The following SLCO2B1 variants were observed in gnomAD, a reference collection of about 807,000 sequenced individuals.
The protein encoded by SLCO2B1 is OATP-RP2.
Under a neutral mutation model 67.3 loss-of-function variants are expected in SLCO2B1, and 41 were observed. That is an observed-to-expected ratio of 0.61 (90% CI 0.47 to 0.79). SLCO2B1 has a LOEUF of 0.79. Ranked by LOEUF, SLCO2B1 falls within the 30% of genes least tolerant of loss-of-function variation. The probability of loss-of-function intolerance (pLI) is 0.00; values close to 1 mark genes in which losing one functional copy is unlikely to be tolerated. For synonymous variants in SLCO2B1, 379 were observed against 381.4 expected (o/e 0.99, Z 0.07); for missense variants, 837 against 920.1 (o/e 0.91, Z 1.17).
intron 1 of SLCO2B1, among the ~76,000 whole-genome samples, chr11:75,157,471 C>T (rs114611829): frequency 1.2e-3 from 186 of 152,274 alleles, no homozygotes; most frequent in African/African-American, 4.2e-3. Context: ...TGTATCACTG[C>T]CTCCTAGCCC....
At chr11:75,169,610 T>A in intron 5 of SLCO2B1, 56 bp from the exon 6 acceptor site, 1 of 1,460,520 alleles carries the variant, frequency 6.8e-7, no homozygotes, top group South Asian at 1.2e-5. Flanking sequence ...GGGCAAGCAC[T>A]GGTCTGCAGA....
At chr11:75,168,041 G>A (rs1012927433) in intron 4 of SLCO2B1, among the ~76,000 whole-genome samples, 7 of 151,888 alleles carry the variant, frequency 4.6e-5, no homozygotes, top group African/African-American at 1.7e-4. Flanking sequence ...TTACAGGCAT[G>A]TGCCACCACT....
chr11:75,196,511 C>A lies in SLCO2B1; in HGVS notation c.1434-3C>A. The A allele has an allele frequency of 6.2e-7, 1 of 1,612,610 alleles. No homozygotes were observed. Among genetic ancestry groups the A allele is most frequent in the South Asian group, 1.1e-5 (1 of 90,852 alleles). ...CAACCCTACTGGTCTTCTCTCCCAC[C>A]AGTGCCCACCCTGGGCTGGAGCTGT... On this transcript the variant is annotated splice_region_variant and splice_polypyrimidine_tract_variant and intron_variant, in intron 9 of 13. Coordinates refer to ENST00000289575, the MANE Select transcript of SLCO2B1 (RefSeq NM_007256.5).
At chr11:75,200,659 C>A in intron 11 of SLCO2B1, 1 of 328,938 alleles carries the variant, frequency 3.0e-6, no homozygotes, top group Non-Finnish European at 5.5e-6. Context: ...GGTTCCCTGG[C>A]CCACAGCCCA....
intron 10 of SLCO2B1, among the ~76,000 whole-genome samples, chr11:75,198,445 C>T (rs1235494909): frequency 6.6e-6 from 1 of 152,236 alleles, no homozygotes; most frequent in African/African-American, 2.4e-5. Flanking sequence ...GCACATAGCA[C>T]AGTGCCTAGG....
chr11:75,186,270 A>G (rs970235302), intron 7 of SLCO2B1, among the ~76,000 whole-genome samples: 32 of 149,974 alleles, frequency 2.1e-4, no homozygotes, highest in Admixed American at 1.4e-3. Flanking sequence ...GTGCAGTGGT[A>G]CGATCTCAGC....
chr11:75,189,915 TC>T (rs1944993070), intron 8 of SLCO2B1, among the ~76,000 whole-genome samples: 1 of 150,922 alleles, frequency 6.6e-6, no homozygotes, highest in African/African-American at 2.4e-5. Flanking sequence ...TGAGCTGTGA[TC>T]TGGCCGCTGC....
chr11:75,194,615 T>C (rs1945075173), intron 9 of SLCO2B1, among the ~76,000 whole-genome samples: 1 of 151,648 alleles, frequency 6.6e-6, no homozygotes, highest in African/African-American at 2.4e-5. Context: ...CTCTGCTCTC[T>C]AGCCTGGGGC....
At chr11:75,164,598 G>A (rs1412195925) in intron 3 of SLCO2B1, among the ~76,000 whole-genome samples, 1 of 152,084 alleles carries the variant, frequency 6.6e-6, no homozygotes, top group Non-Finnish European at 1.5e-5. Context: ...GAGCAGATGA[G>A]CTGCTTTGGG....
intron 1 of SLCO2B1, among the ~76,000 whole-genome samples, chr11:75,159,107 A>G (rs1949781890): frequency 6.6e-6 from 1 of 152,252 alleles, no homozygotes; most frequent in South Asian, 2.1e-4. Context: ...AGCTGCAGGC[A>G]GGTGGCTGAC....
chr11:75,153,669 G>A (rs1949715924), intron 1 of SLCO2B1, among the ~76,000 whole-genome samples: 1 of 152,252 alleles, frequency 6.6e-6, no homozygotes, highest in South Asian at 2.1e-4. Flanking sequence ...ACACCTGCAT[G>A]TCTGTGGAGC....
intron 1 of SLCO2B1, chr11:75,152,395 A>C (rs1386586133): frequency 6.6e-6 from 1 of 152,342 alleles, no homozygotes; most frequent in Admixed American, 6.5e-5. Context: ...AGACAGACCC[A>C]GCTGAGGAGC....
rs1352780636 is a variant in SLCO2B1 at position 75,198,930 on chromosome 11, C to T, written c.1600-1294C>T. Among the ~76,000 whole-genome samples, 2 of 152,134 alleles carry T rather than the reference C, an allele frequency of 1.3e-5. 1 individual carries two copies. Among genetic ancestry groups the T allele is most frequent in the Non-Finnish European group, 2.9e-5 (2 of 68,028 alleles). Reference sequence around the variant, plus strand: ...AGTCATTCATAAGAAAAACTTCCTGCCATGGAATTAGATGAATGTGAAGGG... The same window carrying T: ...AGTCATTCATAAGAAAAACTTCCTGTCATGGAATTAGATGAATGTGAAGGG... On this transcript the variant is annotated intron_variant, in intron 10 of 13. Coordinates refer to ENST00000289575, the MANE Select transcript of SLCO2B1 (RefSeq NM_007256.5).
At chr11:75,191,309 A>G (rs1241566583) in intron 8 of SLCO2B1, among the ~76,000 whole-genome samples, 1 of 152,192 alleles carries the variant, frequency 6.6e-6, no homozygotes, top group Non-Finnish European at 1.5e-5. Context: ...GCCAGATTGA[A>G]ATTCATGGCT....
chr11:75,204,369 T>C (rs548725498), intron 13 of SLCO2B1, 31 bp from the exon 14 acceptor site: 16 of 1,564,102 alleles, frequency 1.0e-5, no homozygotes, highest in Non-Finnish European at 1.4e-5. Context: ...CTGGCAGCTC[T>C]TGAGTTCAAG....
chr11:75,155,986 G>T (rs536759059), intron 1 of SLCO2B1, among the ~76,000 whole-genome samples: 1 of 152,144 alleles, frequency 6.6e-6, no homozygotes, highest in South Asian at 2.1e-4. Context: ...CTGTACTCAC[G>T]GTTTGCAGAC....
intron 1 of SLCO2B1, chr11:75,159,682 C>A: frequency 5.2e-6 from 1 of 192,860 alleles, no homozygotes; most frequent in Non-Finnish European, 9.5e-6. Context: ...CCAGCTGACC[C>A]CCAATACATG....
chr11:75,168,630 C>G (rs1949921629), intron 4 of SLCO2B1, among the ~76,000 whole-genome samples: 1 of 152,238 alleles, frequency 6.6e-6, no homozygotes, highest in Non-Finnish European at 1.5e-5. Flanking sequence ...CCAGCCCCAG[C>G]TGCCCCACCC....
intron 1 of SLCO2B1, among the ~76,000 whole-genome samples, chr11:75,154,016 C>T (rs1437372938): frequency 2.0e-5 from 3 of 150,862 alleles, no homozygotes; most frequent in Non-Finnish European, 2.9e-5. Flanking sequence ...ACCTCTACCT[C>T]CCGGGTTCAA....
Sources: gnomAD v4.1 joint callset for allele counts (sites outside exome capture counted in the v4.1 genomes callset) on GRCh38, gnomAD v4.1.1 for gene constraint, MANE v1.5 for transcripts, NCBI Gene and HGNC (gene_info 2026-07-23, HGNC 2026-07-21) for gene names.